PCDHGA8: variants seen among roughly 807,000 people sequenced by gnomAD.
PCDHGA8 encodes protocadherin gamma subfamily A, 8.
Under a neutral mutation model 59.2 loss-of-function variants are expected in PCDHGA8, and 45 were observed. That is an observed-to-expected ratio of 0.76 (90% CI 0.60 to 0.98). The LOEUF (loss-of-function observed/expected upper bound fraction) is 0.98. PCDHGA8 is among the 50% of genes least tolerant of loss of function. The probability of loss-of-function intolerance (pLI) is 0.00; values close to 1 mark genes in which losing one functional copy is unlikely to be tolerated. For synonymous variants in PCDHGA8, 531 were observed against 519.0 expected (o/e 1.02, Z -0.32); for missense variants, 1,257 against 1,196.2 (o/e 1.05, Z -0.75).
chr5:141,485,245 G>C lies in PCDHGA8; in HGVS notation c.2425-9562G>C. 1 of 1,614,188 alleles carries C rather than the reference G, an allele frequency of 6.2e-7. No individual in the cohort carries two copies. Among genetic ancestry groups the C allele is most frequent in the Non-Finnish European group, 8.5e-7 (1 of 1,180,008 alleles). On this transcript the variant is annotated intron_variant, in intron 1 of 3. Coordinates refer to ENST00000398604, the MANE Select transcript of PCDHGA8 (RefSeq NM_032088.2). This position sits in a 1 kb window ranked among gnomAD's most constrained non-coding sequence, Gnocchi z 5.7. The stretch of plus-strand genomic sequence containing the variant: ...CCCTTTTGTTCCTCTTTTACCACCT[G>C]GGTTACGTTTGTGGGCAGATCCGCT...
At chr5:141,415,185 C>T (rs375113497) in intron 1 of PCDHGA8, 2 of 1,613,978 alleles carry the variant, frequency 1.2e-6, no homozygotes, top group Non-Finnish European at 8.5e-7. Flanking sequence ...CCGTGGCCGA[C>T]AGCATCCCCC....
At chr5:141,484,071 T>C (rs1405337642) in intron 1 of PCDHGA8, among the ~76,000 whole-genome samples, 1 of 152,144 alleles carries the variant, frequency 6.6e-6, no homozygotes, top group Non-Finnish European at 1.5e-5. Flanking sequence ...GTGAAAAGCT[T>C]GCTCTTTTGA....
intron 3 of PCDHGA8, among the ~76,000 whole-genome samples, chr5:141,507,582 T>G (rs1221383898): frequency 6.6e-6 from 1 of 152,264 alleles, no homozygotes; most frequent in Non-Finnish European, 1.5e-5. Flanking sequence ...AGATGCCAAG[T>G]TGGCCTCTTG....
At position 141,485,698 on chromosome 5, in the gene PCDHGA8, T is replaced by C. The variant is rs1175015922; in HGVS notation, c.2425-9109T>C. ...TTAGCAGCTATAGGCTGAGCTCCAA[T>C]GAACACTTTGCACTGGATGTGAAGA... On this transcript the variant is annotated intron_variant, in intron 1 of 3. Transcript: ENST00000398604. This position sits in a 1 kb window ranked among gnomAD's most constrained non-coding sequence, Gnocchi z 5.7. 6.2e-7 allele frequency: 1 copy of C among 1,613,994 alleles called. No homozygotes were observed. The highest frequency in any genetic ancestry group is 8.5e-7 in the Non-Finnish European group (1 of 1,180,002).
chr5:141,430,809 G>A (rs949727881), intron 1 of PCDHGA8: 5 of 1,527,014 alleles, frequency 3.3e-6, no homozygotes, highest in Non-Finnish European at 4.4e-6. Context: ...GTCCTGCTGG[G>A]AATCCTCCTG....
rs1223986597 is a variant in PCDHGA8, at chr5:141,417,300, A to G, written c.2424+22063A>G. The G allele has an allele frequency of 2.0e-5, 3 of 152,440 alleles. No homozygotes were observed. In the East Asian group the frequency reaches 5.8e-4, roughly 29 times the overall value. The allele number at this position is 152,440 out of a possible 1,614,324, so 9.4% of individuals were successfully genotyped here. ...AAGGAACAAGAATGACTGCCTCTGG[A>G]TGGAGGAATTGGATAGCAATGGGCC... On this transcript the variant is annotated intron_variant, in intron 1 of 3. Coordinates refer to ENST00000398604, the MANE Select transcript of PCDHGA8 (RefSeq NM_032088.2).
chr5:141,412,209 T>G (rs917646798), intron 1 of PCDHGA8: 2 of 152,248 alleles, frequency 1.3e-5, no homozygotes. Flanking sequence ...TCATTTGACA[T>G]AAACACTTAC....
rs188874944 is a variant in PCDHGA8, at chr5:141,446,708, C to T, written c.2425-48099C>T. Among the ~76,000 whole-genome samples, 183 of 152,314 alleles carry T rather than the reference C, an allele frequency of 1.2e-3. 1 individual carries two copies. The highest frequency in any genetic ancestry group is 2.1e-3 in the Admixed American group (32 of 15,302). On this transcript the variant is annotated intron_variant, in intron 1 of 3. Coordinates refer to ENST00000398604, the MANE Select transcript of PCDHGA8 (RefSeq NM_032088.2). ...GGCCAGGCTGGTCTCGAACTCTGAT[C>T]TGCCCGCCTCGGCCTCCCAAAGTGT...
chr5:141,482,546 A>G (rs1489817593), intron 1 of PCDHGA8, among the ~76,000 whole-genome samples: 1 of 151,868 alleles, frequency 6.6e-6, no homozygotes, highest in Non-Finnish European at 1.5e-5. Context: ...AAAAAAAAAA[A>G]AAAGATAATG....
chr5:141,400,051 G>T, intron 1 of PCDHGA8: 1 of 1,613,762 alleles, frequency 6.2e-7, no homozygotes. Context: ...GCTGGTTGCT[G>T]TGCGTGATGG....
rs746903142 is a variant in PCDHGA8, at chr5:141,491,667, G to T, written c.2425-3140G>T. ...TGGCGCTGGAGCCTGACGCCATCCG[G>T]TCCCGCTCTAATACGCTGCGGGAGC... On this transcript the variant is annotated intron_variant, in intron 1 of 3. Coordinates refer to ENST00000398604, the MANE Select transcript of PCDHGA8 (RefSeq NM_032088.2). The surrounding 1 kb of genome is among the most constrained non-coding windows in gnomAD (Gnocchi z 6.9). 1.9e-6 allele frequency: 3 copies of T among 1,613,794 alleles called. No individual in the cohort carries two copies. Among genetic ancestry groups the T allele is most frequent in the Admixed American group, 1.7e-5 (1 of 60,032 alleles).
chr5:141,446,821 T>G (rs183143971), intron 1 of PCDHGA8, among the ~76,000 whole-genome samples: 2 of 152,184 alleles, frequency 1.3e-5, no homozygotes, highest in South Asian at 4.1e-4. Context: ...GTCAGATGGG[T>G]AGATCCTTAT....
intron 1 of PCDHGA8, among the ~76,000 whole-genome samples, chr5:141,458,275 G>A (rs975142859): frequency 2.6e-5 from 4 of 152,142 alleles, no homozygotes; most frequent in Non-Finnish European, 5.9e-5. Flanking sequence ...GAACAACAGG[G>A]TTCCTGGTCC....
At chr5:141,413,182 G>T (rs752788034) in intron 1 of PCDHGA8, 2 of 1,604,164 alleles carry the variant, frequency 1.2e-6, no homozygotes, top group Admixed American at 3.4e-5. Flanking sequence ...TACAATGGCC[G>T]CTCAAAGGAA....
At chr5:141,509,670 T>G (rs2099877782) in intron 3 of PCDHGA8, among the ~76,000 whole-genome samples, 1 of 152,136 alleles carries the variant, frequency 6.6e-6, no homozygotes, top group African/African-American at 2.4e-5. Flanking sequence ...TGGGCCCCAG[T>G]TTCTTCTTCT....
chr5:141,471,906 G>A (rs1376234079), intron 1 of PCDHGA8, among the ~76,000 whole-genome samples: 2 of 152,192 alleles, frequency 1.3e-5, no homozygotes, highest in African/African-American at 4.8e-5. Context: ...CTACAGACAA[G>A]CATGAGGGAA....
In PCDHGA8 at chr5:141,432,413, G is replaced by A; in HGVS notation, c.2424+37176G>A. 1.2e-6 allele frequency: 2 copies of A among 1,614,232 alleles called. No homozygotes were observed. The highest frequency in any genetic ancestry group is 2.2e-5 in the South Asian group (2 of 91,082). Reference sequence around the variant, plus strand: ...CAGCAACGTGTCGTTGAGCCTGTTCGTGCTGGACCAGAACGACAATGCGCC... The same window carrying A: ...CAGCAACGTGTCGTTGAGCCTGTTCATGCTGGACCAGAACGACAATGCGCC... On this transcript the variant is annotated intron_variant, in intron 1 of 3. Coordinates refer to ENST00000398604, the MANE Select transcript of PCDHGA8 (RefSeq NM_032088.2). The surrounding 1 kb of genome is among the most constrained non-coding windows in gnomAD (Gnocchi z 6.0).
intron 1 of PCDHGA8, chr5:141,441,746 C>T: frequency 2.7e-6 from 1 of 371,314 alleles, no homozygotes; most frequent in East Asian, 9.8e-5. Flanking sequence ...TCGCGCTCGG[C>T]GTCAACGTGA....
At chr5:141,407,707 G>A (rs894295431) in intron 1 of PCDHGA8, among the ~76,000 whole-genome samples, 1 of 151,964 alleles carries the variant, frequency 6.6e-6, no homozygotes, top group African/African-American at 2.4e-5. Flanking sequence ...TTGAAGGTGG[G>A]GTGATGGCTA....
Sources: allele counts gnomAD v4.1 joint callset (sites outside exome capture counted in the v4.1 genomes callset), GRCh38; gene constraint gnomAD v4.1.1; non-coding constraint Gnocchi (gnomAD v3.1); transcripts MANE v1.5; gene names NCBI Gene and HGNC (gene_info 2026-07-23, HGNC 2026-07-21).